The following ANKS1B variants were observed in gnomAD, a reference collection of about 807,000 sequenced individuals.
The protein encoded by ANKS1B is ankyrin repeat and sterile alpha motif domain-containing protein 1B.
In ANKS1B, 36 loss-of-function variants were observed where a neutral mutation model predicts 148.3. That is an observed-to-expected ratio of 0.24 (90% CI 0.19 to 0.32). The LOEUF (loss-of-function observed/expected upper bound fraction) is 0.32. ANKS1B is among the 10% of genes least tolerant of loss of function. The probability of loss-of-function intolerance (pLI) is 1.00; values close to 1 mark genes in which losing one functional copy is unlikely to be tolerated. For missense variants in ANKS1B, 1,157 were observed against 1,542.6 expected, an observed-to-expected ratio of 0.75 and a Z score of 4.19; for synonymous variants, 542 against 560.8, an observed-to-expected ratio of 0.97 and a Z score of 0.47.
chr12:99,351,070 A>G (rs1164735775), intron 12 of ANKS1B, among the ~76,000 whole-genome samples: 1 of 152,106 alleles, frequency 6.6e-6, no homozygotes, highest in African/African-American at 2.4e-5. Context: ...CACTTTTTGA[A>G]AATCTCTAGA....
At position 99,984,689 on chromosome 12, in the gene ANKS1B, C is replaced by T. The variant is rs2095753622; in HGVS notation, c.-452G>A. 1 of 152,400 alleles carries T rather than the reference C, an allele frequency of 6.6e-6. No individual in the cohort carries two copies. Among genetic ancestry groups the T allele is most frequent in the African/African-American group, 2.4e-5 (1 of 41,362 alleles). 9.4% of individuals were successfully genotyped at this position (152,400 alleles called of 1,614,324 possible). On this transcript the variant is annotated 5_prime_UTR_variant, in exon 1 of 27. Transcript: ENST00000683438. ...GCGGTGGCAGCAGCGGCCCGCGCGCCCTCGCGCCCGACCCGGGCTCGCCTC... is the reference window on the plus strand; with the variant it reads ...GCGGTGGCAGCAGCGGCCCGCGCGCTCTCGCGCCCGACCCGGGCTCGCCTC...
At chr12:99,520,056 G>T (rs1263362156) in intron 9 of ANKS1B, among the ~76,000 whole-genome samples, 1 of 152,058 alleles carries the variant, frequency 6.6e-6, no homozygotes, top group Non-Finnish European at 1.5e-5. Flanking sequence ...TGTTATTTTT[G>T]ATTGGCTCAT....
At chr12:99,789,049 G>A (rs986339084) in intron 4 of ANKS1B, among the ~76,000 whole-genome samples, 6 of 152,138 alleles carry the variant, frequency 3.9e-5, no homozygotes, top group Admixed American at 3.9e-4. Flanking sequence ...TCACTGCCCT[G>A]AAGATTAGGA....
At chr12:99,820,750 T>A (rs1349537277) in intron 2 of ANKS1B, among the ~76,000 whole-genome samples, 2 of 151,904 alleles carry the variant, frequency 1.3e-5, no homozygotes, top group Non-Finnish European at 2.9e-5. Flanking sequence ...TGACAAATGA[T>A]TATGGGAGGC....
At chr12:99,251,163 T>C (rs2074533554) in intron 12 of ANKS1B, among the ~76,000 whole-genome samples, 1 of 152,328 alleles carries the variant, frequency 6.6e-6, no homozygotes, top group African/African-American at 2.4e-5. Context: ...ATATGAATTT[T>C]GGTAGAACAC....
intron 8 of ANKS1B, among the ~76,000 whole-genome samples, chr12:99,764,048 T>A (rs1375454627): frequency 6.6e-6 from 1 of 152,232 alleles, no homozygotes; most frequent in Non-Finnish European, 1.5e-5. Flanking sequence ...TCTCAGATCA[T>A]AAATATTCCA....
At chr12:99,927,545 A>G (rs1390340916) in intron 1 of ANKS1B, among the ~76,000 whole-genome samples, 1 of 152,194 alleles carries the variant, frequency 6.6e-6, no homozygotes, top group East Asian at 1.9e-4. Flanking sequence ...TTTACAAGGG[A>G]CTTATCAAAT....
chr12:99,642,607 G>T lies in ANKS1B; in HGVS notation c.1272+12460C>A, dbSNP rs574377681. Among the ~76,000 whole-genome samples the T allele has an allele frequency of 5.3e-5, 8 of 152,210 alleles. No individual in the cohort carries two copies. In the South Asian group the frequency reaches 1.7e-3, roughly 32 times the overall value. On this transcript the variant is annotated intron_variant, in intron 9 of 26. Coordinates refer to ENST00000683438, the MANE Select transcript of ANKS1B (RefSeq NM_001352186.2). The stretch of plus-strand genomic sequence containing the variant: ...GAGGCAGGTGAATCACCTGAGGTCA[G>T]GAGTTCAAGACAAGACAGGCCAACA...
chr12:99,692,542 A>C (rs564125433), intron 8 of ANKS1B, among the ~76,000 whole-genome samples: 2 of 151,950 alleles, frequency 1.3e-5, no homozygotes, highest in South Asian at 4.2e-4. Context: ...ATGGTGGTGC[A>C]TGCCTGTGGT....
chr12:98,843,480 C>T (rs1049236311), intron 17 of ANKS1B, among the ~76,000 whole-genome samples: 11 of 152,234 alleles, frequency 7.2e-5, no homozygotes, highest in Admixed American at 6.5e-4. Flanking sequence ...GCTTCTTGAA[C>T]TTCCTAGCCT....
chr12:99,930,477 G>A (rs1344588723), intron 1 of ANKS1B, among the ~76,000 whole-genome samples: 4 of 152,070 alleles, frequency 2.6e-5, no homozygotes, highest in Non-Finnish European at 5.9e-5. Context: ...TTTCCTAATC[G>A]AATATCCTCT....
Position 99,194,979 on chromosome 12 carries a change from G to GT in ANKS1B, c.2420-40585dup, listed in dbSNP as rs201715219. 2.7e-4 allele frequency among the ~76,000 whole-genome samples: 41 copies of GT among 152,092 alleles called. No individual in the cohort carries two copies. The East Asian group carries it at 6.0e-3, about 22-fold the overall frequency. On this transcript the variant is annotated intron_variant, in intron 14 of 26. Coordinates refer to ENST00000683438, the MANE Select transcript of ANKS1B (RefSeq NM_001352186.2). ...ATTTGAATTTTTCAAAAATAAAAAG[G>GT]TTTTTTTAATCATGCTAATAAAACT...
chr12:98,996,596 C>T (rs765676096), intron 17 of ANKS1B, among the ~76,000 whole-genome samples: 15 of 151,986 alleles, frequency 9.9e-5, no homozygotes, highest in Non-Finnish European at 1.3e-4. Context: ...AGGTGGATCA[C>T]GAGGTCAGGA....
intron 9 of ANKS1B, among the ~76,000 whole-genome samples, chr12:99,591,276 G>A (rs950093902): frequency 2.0e-5 from 3 of 151,592 alleles, no homozygotes; most frequent in East Asian, 1.9e-4. Flanking sequence ...ACTTCATACC[G>A]AATTAGAATA....
chr12:98,895,027 C>G (rs941691504), intron 17 of ANKS1B: 7 of 860,066 alleles, frequency 8.1e-6, no homozygotes, highest in Non-Finnish European at 9.8e-6. Flanking sequence ...CCCCGAACGC[C>G]GTCTCCAGGG....
chr12:99,100,655 G>C (rs2057668499), intron 15 of ANKS1B, among the ~76,000 whole-genome samples: 1 of 152,182 alleles, frequency 6.6e-6, no homozygotes, highest in South Asian at 2.1e-4. Context: ...TCAGCCTCCT[G>C]AATAGCTGGG....
chr12:99,868,585 A>C (rs1278474190), intron 1 of ANKS1B, among the ~76,000 whole-genome samples: 1 of 152,194 alleles, frequency 6.6e-6, no homozygotes, highest in Non-Finnish European at 1.5e-5. Flanking sequence ...ATAAAAATAC[A>C]TAGCAAGATT....
intron 2 of ANKS1B, among the ~76,000 whole-genome samples, chr12:99,813,432 A>C (rs1258050894): frequency 6.6e-6 from 1 of 151,326 alleles, no homozygotes; most frequent in Non-Finnish European, 1.5e-5. Context: ...CTTACATACA[A>C]CAAATCACTA....
chr12:99,714,878 G>A (rs954880312), intron 8 of ANKS1B, among the ~76,000 whole-genome samples: 2 of 152,008 alleles, frequency 1.3e-5, no homozygotes, highest in East Asian at 3.9e-4. Context: ...CAGCACTTTG[G>A]GAAGCCAAGG....
Sources: gnomAD v4.1 joint callset for allele counts (sites outside exome capture counted in the v4.1 genomes callset) on GRCh38, gnomAD v4.1.1 for gene constraint, MANE v1.5 for transcripts, NCBI Gene and HGNC (gene_info 2026-07-23, HGNC 2026-07-21) for gene names.